PRKG1: variants seen among roughly 807,000 people sequenced by gnomAD.
PRKG1 encodes the protein protein kinase cGMP-dependent 1.
PRKG1 carries 35 observed loss-of-function variants against 88.1 expected under a neutral mutation model. The ratio of observed to expected loss-of-function variants is 0.40; its 90% confidence interval spans 0.30 to 0.53. PRKG1 has a LOEUF of 0.53. Ranked by LOEUF, PRKG1 falls within the 20% of genes least tolerant of loss-of-function variation. The pLI, the probability that PRKG1 is intolerant of heterozygous loss-of-function variation, is 0.59. For missense variants in PRKG1, 540 were observed against 839.8 expected (o/e 0.64, Z 4.41); for synonymous variants, 303 against 292.5 (o/e 1.04, Z -0.37).
intron 5 of PRKG1, among the ~76,000 whole-genome samples, chr10:52,006,193 C>T (rs765900925): frequency 3.3e-5 from 5 of 152,156 alleles, no homozygotes; most frequent in Non-Finnish European, 5.9e-5. Context: ...TGTAAGAACT[C>T]GTTCAACTCT....
intron 5 of PRKG1, among the ~76,000 whole-genome samples, chr10:51,976,274 T>C (rs1843830189): frequency 6.6e-6 from 1 of 151,880 alleles, no homozygotes; most frequent in Middle Eastern, 3.2e-3. Context: ...ATATCCAAGA[T>C]AAATAAAAAC....
intron 3 of PRKG1, among the ~76,000 whole-genome samples, chr10:51,480,013 A>AC (rs1198381807): frequency 6.6e-6 from 1 of 151,950 alleles, no homozygotes; most frequent in Non-Finnish European, 1.5e-5. Flanking sequence ...TCAAAAAAAA[A>AC]AATTAAATGT....
chr10:51,985,648 A>G (rs1162928513), intron 5 of PRKG1, among the ~76,000 whole-genome samples: 1 of 152,178 alleles, frequency 6.6e-6, no homozygotes, highest in Admixed American at 6.5e-5. Context: ...AATATTTTTT[A>G]TAGCCACTTG....
intron 2 of PRKG1, among the ~76,000 whole-genome samples, chr10:51,290,250 C>CA (rs1277034904): frequency 5.4e-5 from 8 of 149,264 alleles, no homozygotes; most frequent in South Asian, 2.1e-4. Flanking sequence ...AAAAAACAAA[C>CA]AAAAAAAAAG....
At chr10:51,828,176 G>A (rs1433553234) in intron 4 of PRKG1, among the ~76,000 whole-genome samples, 1 of 152,124 alleles carries the variant, frequency 6.6e-6, no homozygotes, top group East Asian at 1.9e-4. Context: ...ATGGCAGCAA[G>A]TTGTCAAAGG....
chr10:51,148,347 T>C (rs1357326943), intron 1 of PRKG1: 5 of 832,424 alleles, frequency 6.0e-6, no homozygotes, highest in Non-Finnish European at 7.2e-6. Flanking sequence ...TAGTGAGTGA[T>C]GTTTTTGGTT....
At chr10:51,997,508 T>C (rs960891455) in intron 5 of PRKG1, among the ~76,000 whole-genome samples, 2 of 150,292 alleles carry the variant, frequency 1.3e-5, no homozygotes, top group African/African-American at 2.4e-5. Flanking sequence ...GTTAAAGAGA[T>C]GTACTTCTAT....
chr10:51,362,484 A>T (rs764555370), intron 2 of PRKG1, among the ~76,000 whole-genome samples: 19 of 151,616 alleles, frequency 1.3e-4, no homozygotes, highest in Non-Finnish European at 7.4e-5. Context: ...CCTTTAATAT[A>T]TTGTTGATTA....
rs569245026 is a variant in PRKG1 at position 52,012,334 on chromosome 10, C to T, written c.763-42150C>T. On this transcript the variant is annotated intron_variant, in intron 5 of 17. Transcript: ENST00000373980. ...TCAGCTCACTGCAACCTCCACCTCC[C>T]GGGTTCAAGCCATTCTCCTGCCTCA... is the stretch of plus-strand genomic sequence containing the variant. Among the ~76,000 whole-genome samples the T allele has an allele frequency of 3.2e-3, 480 of 151,874 alleles. 4 individuals carry two copies. Among genetic ancestry groups the T allele is most frequent in the African/African-American group, 0.011 (450 of 41,384 alleles).
chr10:51,295,916 A>G (rs1840708331), intron 2 of PRKG1, among the ~76,000 whole-genome samples: 1 of 152,086 alleles, frequency 6.6e-6, no homozygotes, highest in South Asian at 2.1e-4. Context: ...GCTTTTTCTG[A>G]ATCTATTGAG....
At chr10:51,941,959 A>G (rs1442064833) in intron 5 of PRKG1, among the ~76,000 whole-genome samples, 4 of 152,032 alleles carry the variant, frequency 2.6e-5, no homozygotes, top group African/African-American at 9.7e-5. Flanking sequence ...TCCTTTGGGT[A>G]TATACCCAGT....
At chr10:51,963,774 C>T (rs993941802) in intron 5 of PRKG1, among the ~76,000 whole-genome samples, 1 of 151,978 alleles carries the variant, frequency 6.6e-6, no homozygotes, top group Non-Finnish European at 1.5e-5. Flanking sequence ...TCCTTGTGCA[C>T]ATAAGAAAAA....
intron 2 of PRKG1, among the ~76,000 whole-genome samples, chr10:51,309,089 G>C (rs1053686623): frequency 6.6e-6 from 1 of 152,122 alleles, no homozygotes; most frequent in African/African-American, 2.4e-5. Flanking sequence ...CTCCCCCAGG[G>C]CTTCTTCTGG....
At chr10:51,087,333 C>T (rs1844279097) in intron 1 of PRKG1, among the ~76,000 whole-genome samples, 2 of 152,024 alleles carry the variant, frequency 1.3e-5, no homozygotes. Flanking sequence ...ATGATAATTA[C>T]TAAAAATATT....
chr10:51,384,516 T>C (rs907369375), intron 2 of PRKG1, among the ~76,000 whole-genome samples: 2 of 152,144 alleles, frequency 1.3e-5, no homozygotes, highest in Non-Finnish European at 2.9e-5. Flanking sequence ...GTAAAATGTT[T>C]TTATAGGGCC....
At chr10:51,623,941 T>C (rs1175714639) in intron 3 of PRKG1, among the ~76,000 whole-genome samples, 1 of 152,030 alleles carries the variant, frequency 6.6e-6, no homozygotes, top group Non-Finnish European at 1.5e-5. Flanking sequence ...TTTTTCTCTC[T>C]AAAAAATAGA....
chr10:51,096,255 G>T (rs1844525259), intron 1 of PRKG1, among the ~76,000 whole-genome samples: 2 of 152,100 alleles, frequency 1.3e-5, no homozygotes, highest in South Asian at 4.1e-4. Flanking sequence ...ATGAGCTCTT[G>T]GTTCCTTATC....
intron 4 of PRKG1, among the ~76,000 whole-genome samples, chr10:51,842,441 G>C (rs16923997): frequency 0.083 from 12,688 of 152,214 alleles, 552 homozygotes; most frequent in Non-Finnish European, 0.099. Context: ...CTGAATGGTG[G>C]CAAAGAAGAC....
chr10:52,238,739 C>A (rs1205389227), intron 9 of PRKG1, among the ~76,000 whole-genome samples: 18 of 148,898 alleles, frequency 1.2e-4, no homozygotes, highest in East Asian at 4.3e-4. Flanking sequence ...TAAACTAGTT[C>A]AACCATTGTG....
Sources: allele counts gnomAD v4.1 joint callset (sites outside exome capture counted in the v4.1 genomes callset), GRCh38; gene constraint gnomAD v4.1.1; transcripts MANE v1.5; gene names NCBI Gene and HGNC (gene_info 2026-07-23, HGNC 2026-07-21).